Variants in OTUD7B observed in about 807,000 individuals in gnomAD.
OTUD7B encodes the protein OTU domain-containing protein 7B.
OTUD7B carries 34 observed loss-of-function variants against 82.2 expected under a neutral mutation model. The observed-to-expected ratio is 0.41, with a 90% CI of 0.31 to 0.55. The LOEUF is 0.55. OTUD7B is among the 20% of genes least tolerant of loss of function. The pLI is 0.20. For synonymous variants in OTUD7B, 398 were observed against 402.7 expected, an observed-to-expected ratio of 0.99 and a Z score of 0.14; for missense variants, 944 against 1,062.1, an observed-to-expected ratio of 0.89 and a Z score of 1.55.
the OTUD7B span, among the ~76,000 whole-genome samples, chr1:150,063,093 T>C: frequency 2.6e-5 from 4 of 152,134 alleles, no homozygotes; most frequent in Admixed American, 1.3e-4. Flanking sequence ...AATGCAAAGA[T>C]CTTATTTAAC....
chr1:150,001,754 C>A (rs1393295351), intron 1 of OTUD7B, among the ~76,000 whole-genome samples: 3 of 152,192 alleles, frequency 2.0e-5, no homozygotes, highest in African/African-American at 7.2e-5. Context: ...AAGTGGACAG[C>A]TTCCAAACCA....
the OTUD7B span, among the ~76,000 whole-genome samples, chr1:150,035,735 C>T: frequency 2.6e-5 from 4 of 152,142 alleles, no homozygotes; most frequent in African/African-American, 9.7e-5. Context: ...ACAATATCCT[C>T]ATGGGACAGA....
the OTUD7B span, among the ~76,000 whole-genome samples, chr1:150,035,003 G>A: frequency 6.6e-6 from 1 of 152,068 alleles, no homozygotes; most frequent in South Asian, 2.1e-4. Context: ...AATTAGCCAG[G>A]CATGGTGGTG....
Position 149,977,471 on chromosome 1 carries a change from G to A in OTUD7B, c.40C>T (p.Arg14Cys), listed in dbSNP as rs781894234. 26 of 1,613,916 alleles carry A rather than the reference G, an allele frequency of 1.6e-5. No homozygotes were observed. Among genetic ancestry groups the A allele is most frequent in the African/African-American group, 5.3e-5 (4 of 74,886 alleles). The change falls in exon 2 of 12, where the codon CGT becomes TGT. Residue 14 changes from arginine to cysteine, a missense_variant. Around this residue, in one of 3 missense-constraint regions of OTUD7B, gnomAD observed 530 missense variants for 625.6 expected, o/e 0.85. Transcript: ENST00000581312. ...AGCCCTGGCTCTGCTCCTGTGGAAC[G>A]GACAAAATCTGACAGAACAGCATCC... ...DMDAVLSDFV[R>C]STGAEPGLAR...
At chr1:150,005,357 G>A (rs939489965) in intron 1 of OTUD7B, among the ~76,000 whole-genome samples, 1 of 152,088 alleles carries the variant, frequency 6.6e-6, no homozygotes, top group African/African-American at 2.4e-5. Context: ...CTATTTCTTA[G>A]AGGAAATAAA....
intron 2 of OTUD7B, among the ~76,000 whole-genome samples, chr1:149,976,362 C>A (rs1187799325): frequency 1.3e-5 from 2 of 152,010 alleles, no homozygotes; most frequent in African/African-American, 4.8e-5. Flanking sequence ...GAAATCCCAG[C>A]ACTTTGGGAG....
chr1:150,032,389 C>T, the OTUD7B span, among the ~76,000 whole-genome samples: 15,935 of 136,516 alleles, frequency 0.12, 1,191 homozygotes, highest in Non-Finnish European at 0.17. Flanking sequence ...GCACTTTTGG[C>T]GGCTAAATTG....
Position 149,942,183 on chromosome 1 carries a change from T to A in OTUD7B, c.*1674A>T, listed in dbSNP as rs1353539765. The A allele has an allele frequency of 6.6e-6, 1 of 152,526 alleles. No individual in the cohort carries two copies. Among genetic ancestry groups the A allele is most frequent in the Admixed American group, 6.6e-5 (1 of 15,262 alleles). The allele number at this position is 152,526 out of a possible 1,614,324, so 9.4% of individuals were successfully genotyped here. On this transcript the variant is annotated 3_prime_UTR_variant, in exon 12 of 12. Coordinates refer to ENST00000581312, the MANE Select transcript of OTUD7B (RefSeq NM_020205.4). ...TACGTTCCAAGGGATGGGTTATGAG[T>A]ACATACCTCAAAAGAGAAATCCAAA...
chr1:149,957,984 C>A (rs954878652), intron 7 of OTUD7B, among the ~76,000 whole-genome samples: 1 of 152,218 alleles, frequency 6.6e-6, no homozygotes, highest in Non-Finnish European at 1.5e-5. Flanking sequence ...TTGTGCTTCC[C>A]AGGTGAGGCA....
chr1:149,975,677 A>T (rs1650254406), intron 2 of OTUD7B, among the ~76,000 whole-genome samples: 2 of 152,152 alleles, frequency 1.3e-5, no homozygotes, highest in South Asian at 4.1e-4. Context: ...CCAAGAGGTG[A>T]CAAGTCAGGC....
At chr1:150,057,560 T>C in the OTUD7B span, among the ~76,000 whole-genome samples, 1 of 152,236 alleles carries the variant, frequency 6.6e-6, no homozygotes, top group Non-Finnish European at 1.5e-5. Flanking sequence ...ATATACTACA[T>C]GCTTCTGTAA....
chr1:150,030,393 G>A, the OTUD7B span, among the ~76,000 whole-genome samples: 2,465 of 152,140 alleles, frequency 0.016, 65 homozygotes, highest in African/African-American at 0.057. Flanking sequence ...ATGCCCCTTC[G>A]AAATGCCCCT....
At chr1:149,983,758 T>A (rs1451953284) in intron 1 of OTUD7B, among the ~76,000 whole-genome samples, 1 of 152,104 alleles carries the variant, frequency 6.6e-6, no homozygotes, top group Non-Finnish European at 1.5e-5. Flanking sequence ...TAGAACATAA[T>A]CAGATGTGAA....
the OTUD7B span, among the ~76,000 whole-genome samples, chr1:150,052,175 A>G: frequency 1.3e-5 from 2 of 152,208 alleles, no homozygotes; most frequent in Admixed American, 1.3e-4. Context: ...GGCCAGAGCA[A>G]TAAGGCAAGA....
intron 2 of OTUD7B, among the ~76,000 whole-genome samples, chr1:149,977,011 C>T (rs184231326): frequency 1.1e-4 from 16 of 152,230 alleles, no homozygotes; most frequent in African/African-American, 3.9e-4. Context: ...ATCCCAGCTA[C>T]TCAGGAGTCT....
the OTUD7B span, among the ~76,000 whole-genome samples, chr1:150,049,068 C>CA: frequency 7.2e-5 from 11 of 152,214 alleles, no homozygotes; most frequent in Admixed American, 7.2e-4. Flanking sequence ...GAACTCCTGA[C>CA]CTCAAGTGAT....
At chr1:150,014,966 C>T (rs1329500441), upstream of OTUD7B, among the ~76,000 whole-genome samples, 2 of 152,070 alleles carry the variant, frequency 1.3e-5, no homozygotes, top group African/African-American at 4.8e-5. Context: ...CCAGGTTAAA[C>T]ATTTACATTT....
At chr1:150,007,179 C>T (rs1489220577) in intron 1 of OTUD7B, among the ~76,000 whole-genome samples, 8 of 152,178 alleles carry the variant, frequency 5.3e-5, no homozygotes, top group African/African-American at 1.9e-4. Context: ...TTGGAAGATC[C>T]TTTCTTTTCT....
intron 8 of OTUD7B, 77 bp from the exon 9 acceptor site, chr1:149,949,855 C>G (rs1648052926): frequency 6.8e-7 from 1 of 1,471,886 alleles, no homozygotes; most frequent in Non-Finnish European, 9.3e-7. Flanking sequence ...ACTCTGCCAA[C>G]TGAGTCCCTC....
Sources: gnomAD v4.1 joint callset for allele counts (sites outside exome capture counted in the v4.1 genomes callset) on GRCh38, gnomAD v4.1.1 for gene constraint, gnomAD v4.1.1 regional missense constraint, MANE v1.5 for transcripts, NCBI Gene and HGNC (gene_info 2026-07-23, HGNC 2026-07-21) for gene names.